Variants in AMZ1 observed in about 807,000 individuals in gnomAD.
The protein encoded by AMZ1 is archaemetzincin-1.
Under a neutral mutation model 29.9 loss-of-function variants are expected in AMZ1, and 39 were observed. That is an observed-to-expected ratio of 1.30 (90% CI 1.01 to 1.70). The LOEUF is 1.70. Ranked by LOEUF, AMZ1 falls within the 40% of genes most tolerant of loss-of-function variation. The probability of loss-of-function intolerance (pLI) is 0.00; values close to 1 mark genes in which losing one functional copy is unlikely to be tolerated. For missense variants in AMZ1, 1,041 were observed against 680.6 expected (o/e 1.53, Z -5.89); for synonymous variants, 458 against 304.0 (o/e 1.51, Z -5.27).
rs1461920200 is a variant in AMZ1, at chr7:2,737,270, TTTTGTTTTTTTTTTTTTTG to T, written n.551-27438_551-27420del. ...ATTCAGGAGCTATCTCACAGTTTTG[TTTTGTTTTTTTTTTTTTTG>T]TTTTTTTTTTTTTTTTTGAGATGGA... is the stretch of plus-strand genomic sequence containing the variant. On this transcript the variant is annotated intron_variant and non_coding_transcript_variant, in intron 4 of 4. Transcript: ENST00000489665. Among the ~76,000 whole-genome samples, 19 of 47,760 alleles carry T rather than the reference TTTTGTTTTTTTTTTTTTTG, an allele frequency of 4.0e-4. 1 individual carries two copies. The highest frequency in any genetic ancestry group is 1.2e-3 in the South Asian group (2 of 1,626). The allele number at this position is 47,760 out of a possible 152,430, so 31.3% of individuals were successfully genotyped here.
chr7:2,712,950 A>G lies in AMZ1; in HGVS notation c.*72A>G. The G allele has an allele frequency of 7.0e-7, 1 of 1,422,244 alleles. No homozygotes were observed. The allele number at this position is 1,422,244 out of a possible 1,614,324, so 88.1% of individuals were successfully genotyped here. On this transcript the variant is annotated 3_prime_UTR_variant, in exon 7 of 7. Transcript: ENST00000683327. ...GCACTGTCCAGTAGCTGAGGCCACT[A>G]CTGACCTGCCAGGGATAAAGAGGAA...
At chr7:2,685,733 G>C (rs1787053762), upstream of AMZ1, among the ~76,000 whole-genome samples, 1 of 149,946 alleles carries the variant, frequency 6.7e-6, no homozygotes, top group African/African-American at 2.5e-5. Context: ...GGCGCCTGTA[G>C]TCCCAGCTAC....
chr7:2,700,737 A>G lies in AMZ1; in HGVS notation c.286A>G (p.Ile96Val). The change falls in exon 2 of 7, where the codon ATC becomes GTC. Residue 96 changes from isoleucine to valine, a missense_variant. Physicochemically the swap from Ile to Val is conservative, Grantham distance 29. Transcript: ENST00000683327. ...HRKPRLARKHIYLQPIDLSEE... is the reference protein window; with the variant it reads ...HRKPRLARKHVYLQPIDLSEE... ...GAAGCCCCGCCTGGCTCGGAAGCAC[A>G]TCTACCTACAGCCGATAGGTACGGG... The G allele has an allele frequency of 1.2e-6, 2 of 1,612,832 alleles. No individual in the cohort carries two copies. Among genetic ancestry groups the G allele is most frequent in the South Asian group, 1.1e-5 (1 of 91,064 alleles).
rs1218526002 is a variant in AMZ1, at chr7:2,713,950, GA to G, written c.*1073del. 1.3e-5 allele frequency: 2 copies of G among 152,318 alleles called. No homozygotes were observed. Among genetic ancestry groups the G allele is most frequent in the African/African-American group, 4.8e-5 (2 of 41,550 alleles). The allele number at this position is 152,318 out of a possible 1,614,324, so 9.4% of individuals were successfully genotyped here. On this transcript the variant is annotated 3_prime_UTR_variant, in exon 7 of 7. Transcript: ENST00000683327. ...GGTCTAGTTCTGTCAGTTGCTGAGA[GA>G]GGGGTATTATTGCCATGGCTGGGCG...
chr7:2,701,492 CAG>C (rs1788051589), intron 2 of AMZ1, among the ~76,000 whole-genome samples: 1 of 152,158 alleles, frequency 6.6e-6, no homozygotes, highest in Non-Finnish European at 1.5e-5. Flanking sequence ...CTGTGTCTGG[CAG>C]AGTCTGGGGG....
At chr7:2,706,789 T>C (rs926711285) in intron 3 of AMZ1, among the ~76,000 whole-genome samples, 1 of 150,850 alleles carries the variant, frequency 6.6e-6, no homozygotes, top group Admixed American at 6.6e-5. Flanking sequence ...ACCTGTCTTT[T>C]TGGGGGACAT....
intron 4 of AMZ1, among the ~76,000 whole-genome samples, chr7:2,738,427 C>T (rs1301370840): frequency 2.0e-5 from 3 of 152,172 alleles, no homozygotes; most frequent in East Asian, 1.9e-4. Flanking sequence ...TACGCACCGG[C>T]GAAGGAGAAG....
chr7:2,758,093 T>C (rs1047212136), intron 4 of AMZ1, among the ~76,000 whole-genome samples: 5 of 152,198 alleles, frequency 3.3e-5, no homozygotes, highest in African/African-American at 1.2e-4. Flanking sequence ...TCAGCAGCTG[T>C]TGCTTCAGGC....
At chr7:2,682,453 C>T (rs1786917091) in intron 1 of AMZ1, among the ~76,000 whole-genome samples, 1 of 152,292 alleles carries the variant, frequency 6.6e-6, no homozygotes, top group East Asian at 1.9e-4. Flanking sequence ...AGTGCTCCAG[C>T]GACAGCTCCA....
rs1298392611 is a variant in AMZ1 at position 2,718,237 on chromosome 7, C to T, written c.*5359C>T. On this transcript the variant is annotated 3_prime_UTR_variant, in exon 7 of 7. Coordinates refer to ENST00000683327, the MANE Select transcript of AMZ1 (RefSeq NM_001384743.1). ...CTCCACCCTGGGGCTCCTCTGATGC[C>T]GAGAGCTCTGGCTCTCCTGACTGTG... 1.3e-5 allele frequency among the ~76,000 whole-genome samples: 2 copies of T among 152,212 alleles called. No individual in the cohort carries two copies. The highest frequency in any genetic ancestry group is 2.9e-5 in the Non-Finnish European group (2 of 68,026).
chr7:2,723,919 T>G (rs1180746277), downstream of AMZ1, among the ~76,000 whole-genome samples: 1 of 152,042 alleles, frequency 6.6e-6, no homozygotes. Context: ...CTGGCCAGAT[T>G]TTTTTTTGAG....
intron 4 of AMZ1, among the ~76,000 whole-genome samples, chr7:2,747,514 C>T (rs569217320): frequency 1.4e-3 from 206 of 152,242 alleles, no homozygotes; most frequent in Non-Finnish European, 2.2e-3. Context: ...ATTGATGGGA[C>T]GTATCTCAAA....
chr7:2,702,451 C>G, intron 2 of AMZ1: 2 of 478,720 alleles, frequency 4.2e-6, no homozygotes, highest in Non-Finnish European at 3.7e-6. Context: ...CCTGGTGAGT[C>G]CCTGCCTGCT....
Position 2,709,663 on chromosome 7 carries a change from C to A in AMZ1, c.795C>A (p.His265Gln), listed in dbSNP as rs779499310. The change falls in exon 6 of 7, where the codon CAC becomes CAA. Residue 265 changes from histidine to glutamine, a missense_variant. Transcript: ENST00000683327. ...CCKVTCHELC[H>Q]LLGLGNCRWL... ...AGGTCACGTGCCACGAGCTCTGCCA[C>A]CTTCTGGGCCTGGGGAACTGCCGCT... 12 of 1,610,018 alleles carry A rather than the reference C, an allele frequency of 7.5e-6. No homozygotes were observed. The African/African-American group carries it at 1.2e-4, about 16-fold the overall frequency.
At chr7:2,727,033 T>G (rs1168953088) in intron 4 of AMZ1, among the ~76,000 whole-genome samples, 1 of 152,226 alleles carries the variant, frequency 6.6e-6, no homozygotes. Flanking sequence ...TGCCATGCCA[T>G]GCTTTAAAAA....
intron 4 of AMZ1, among the ~76,000 whole-genome samples, chr7:2,732,356 G>T (rs1310585931): frequency 1.3e-5 from 2 of 152,138 alleles, no homozygotes; most frequent in African/African-American, 2.4e-5. Flanking sequence ...AGAACAGCCT[G>T]GGCAACATAG....
chr7:2,756,156 C>G (rs935609485), intron 4 of AMZ1, among the ~76,000 whole-genome samples: 2 of 151,848 alleles, frequency 1.3e-5, no homozygotes, highest in Non-Finnish European at 2.9e-5. Flanking sequence ...ACATATATGG[C>G]CAATTGATTT....
chr7:2,738,451 G>T (rs1455598821), intron 4 of AMZ1, among the ~76,000 whole-genome samples: 1 of 152,202 alleles, frequency 6.6e-6, no homozygotes, highest in Non-Finnish European at 1.5e-5. Context: ...TCCGTGGCTG[G>T]AAGGAGGTTT....
At chr7:2,724,677 G>A (rs1789552253), downstream of AMZ1, among the ~76,000 whole-genome samples, 2 of 152,222 alleles carry the variant, frequency 1.3e-5, no homozygotes, top group African/African-American at 4.8e-5. Flanking sequence ...AAACCAAAGG[G>A]AGAAAATAAC....
Sources: gnomAD v4.1 joint callset for allele counts (sites outside exome capture counted in the v4.1 genomes callset) on GRCh38, gnomAD v4.1.1 for gene constraint, MANE v1.5 for transcripts, NCBI Gene and HGNC (gene_info 2026-07-23, HGNC 2026-07-21) for gene names.